The following RPRD2 variants were observed in gnomAD, a reference collection of about 807,000 sequenced individuals.
RPRD2 encodes regulation of nuclear pre-mRNA domain containing 2.
Under a neutral mutation model 104.4 loss-of-function variants are expected in RPRD2, and 12 were observed. The observed-to-expected ratio is 0.11, with a 90% confidence interval of 0.07 to 0.19. The LOEUF (loss-of-function observed/expected upper bound fraction) is 0.19. Among genes scored for constraint, RPRD2 ranks in the 10% least tolerant of loss-of-function variants. The pLI is 1.00. For synonymous variants in RPRD2, 714 were observed against 684.9 expected (o/e 1.04, Z -0.66); for missense variants, 1,543 against 1,790.1 (o/e 0.86, Z 2.49).
chr1:150,423,792 AT>A (rs151188685), intron 2 of RPRD2, among the ~76,000 whole-genome samples: 47,860 of 145,420 alleles, frequency 0.33, 8,035 homozygotes, highest in Non-Finnish European at 0.4. Context: ...CTGAAAACAA[AT>A]TTTTTTTTTT....
In RPRD2 at chr1:150,475,454, T is replaced by C. The variant is rs587705990; in HGVS notation, c.*2120T>C. ...AGAAAATGTGGGGATGTCAGGAAAG[T>C]GGCTTCCTGAACGTTGGGGCGGGAT... On this transcript the variant is annotated 3_prime_UTR_variant, in exon 11 of 11. Coordinates refer to ENST00000369068, the MANE Select transcript of RPRD2 (RefSeq NM_015203.5). 6.5e-6 allele frequency: 1 copy of C among 152,728 alleles called. No individual in the cohort carries two copies. Among genetic ancestry groups the C allele is most frequent in the East Asian group, 1.9e-4 (1 of 5,188 alleles). 9.5% of individuals were successfully genotyped at this position (152,728 alleles called of 1,614,324 possible). A position where few individuals can be genotyped will look rare whatever the true frequency, so the allele number is the denominator to read the frequency against.
intron 2 of RPRD2, among the ~76,000 whole-genome samples, chr1:150,438,125 A>AAT (rs1553893573): frequency 1.3e-5 from 2 of 151,160 alleles, no homozygotes; most frequent in Admixed American, 6.6e-5. Context: ...CAACTAAAAA[A>AAT]ATATATATAC....
chr1:150,436,944 G>A (rs782727596), intron 2 of RPRD2, among the ~76,000 whole-genome samples: 2 of 152,080 alleles, frequency 1.3e-5, no homozygotes, highest in Admixed American at 6.6e-5. Context: ...GGTGGCACAC[G>A]CCTGTTATCC....
chr1:150,398,956 G>A (rs1473052146), intron 1 of RPRD2, among the ~76,000 whole-genome samples: 1 of 152,096 alleles, frequency 6.6e-6, no homozygotes, highest in African/African-American at 2.4e-5. Context: ...TTAATTCAAA[G>A]TCATAAAGAA....
chr1:150,393,550 C>A (rs141105648), intron 1 of RPRD2, among the ~76,000 whole-genome samples: 1 of 151,152 alleles, frequency 6.6e-6, no homozygotes, highest in Non-Finnish European at 1.5e-5. Context: ...GAATGTATCA[C>A]CCCATAGATT....
chr1:150,472,655 C>T lies in RPRD2; in HGVS notation c.3707C>T (p.Pro1236Leu), dbSNP rs778094347. The change falls in exon 11 of 11, where the codon CCC becomes CTC. Residue 1236 changes from proline to leucine, a missense_variant. Physicochemically the swap from Pro to Leu is moderately conservative, Grantham distance 98. Transcript: ENST00000369068. ...TCTCGAGATGCACCCACTCATCTAC[C>T]CTCTGTGGATCTTTCGAACCCCTTC... ...IFSRDAPTHL[P>L]SVDLSNPFTK... The T allele has an allele frequency of 4.3e-6, 7 of 1,613,714 alleles. No homozygotes were observed. In the African/African-American group the frequency reaches 5.3e-5, roughly 12 times the overall value.
chr1:150,395,496 CAT>C (rs782134581), intron 1 of RPRD2, among the ~76,000 whole-genome samples: 22 of 147,848 alleles, frequency 1.5e-4, no homozygotes, highest in South Asian at 2.1e-4. Flanking sequence ...CTGCTACAGA[CAT>C]GTGTATGCAA....
rs1553888836 is a variant in RPRD2, at chr1:150,417,692, C to G, written c.302C>G (p.Ala101Gly). 6.2e-7 allele frequency: 1 copy of G among 1,607,014 alleles called. No individual in the cohort carries two copies. ...GCAATCATATTCCGTGAATCATTTG[C>G]TGATGTACTTCCTGAAGCAGCTGCT... Reference protein sequence around the residue: ...KNAIIFRESFADVLPEAAALV... With the variant: ...KNAIIFRESFGDVLPEAAALV... The change falls in exon 2 of 11, where the codon GCT becomes GGT. Residue 101 changes from alanine (A) to glycine (G), a missense_variant. Ala to Gly is a moderately conservative substitution (Grantham distance 60). This residue lies in a region of RPRD2 where 572 missense variants were observed against 787.3 expected (regional missense o/e 0.73). Coordinates refer to ENST00000369068, the MANE Select transcript of RPRD2 (RefSeq NM_015203.5).
At chr1:150,448,194 G>A (rs1666924204) in intron 7 of RPRD2, among the ~76,000 whole-genome samples, 1 of 151,960 alleles carries the variant, frequency 6.6e-6, no homozygotes, top group Non-Finnish European at 1.5e-5. Context: ...TTGAGATGGA[G>A]TCTCGCTTTG....
At chr1:150,445,275 A>AG (rs1389132609) in intron 6 of RPRD2, among the ~76,000 whole-genome samples, 1 of 152,218 alleles carries the variant, frequency 6.6e-6, no homozygotes, top group Non-Finnish European at 1.5e-5. Context: ...TTATCACATG[A>AG]GAGATCTGAG....
rs995197391 is a variant in RPRD2 at position 150,378,899 on chromosome 1, C to T, written c.205+13980C>T. Among the ~76,000 whole-genome samples the T allele has an allele frequency of 2.0e-5, 3 of 150,512 alleles. No homozygotes were observed. In the Admixed American group the frequency reaches 2.0e-4, roughly 10 times the overall value. On this transcript the variant is annotated intron_variant, in intron 1 of 10. Coordinates refer to ENST00000369068, the MANE Select transcript of RPRD2 (RefSeq NM_015203.5). ...TTGGGAGGCTGAGGCAGGATAATCC[C>T]TTGGACCCGGAGGTGGAAGTTGCAG...
chr1:150,388,416 G>GTATA (rs370049726), intron 1 of RPRD2, among the ~76,000 whole-genome samples: 19 of 139,994 alleles, frequency 1.4e-4, no homozygotes, highest in Non-Finnish European at 2.4e-4. Flanking sequence ...ATATACACAT[G>GTATA]TATATATATA....
rs1553876834 is a variant in RPRD2, at chr1:150,364,680, C to G, written c.-35C>G. On this transcript the variant is annotated 5_prime_UTR_variant, in exon 1 of 11. Coordinates refer to ENST00000369068, the MANE Select transcript of RPRD2 (RefSeq NM_015203.5). ...CCCGCCGCCGCCGCCGCCGCCGCCG[C>G]CAGAGGAGCAGCAGCGCTTGTGCAA... 10 of 1,310,872 alleles carry G rather than the reference C, an allele frequency of 7.6e-6. No homozygotes were observed. Among genetic ancestry groups the G allele is most frequent in the Non-Finnish European group, 9.4e-6 (9 of 955,156 alleles). The allele number at this position is 1,310,872 out of a possible 1,614,324, so 81.2% of individuals were successfully genotyped here.
chr1:150,411,611 T>G (rs1419991805), intron 1 of RPRD2, among the ~76,000 whole-genome samples: 1 of 121,216 alleles, frequency 8.2e-6, no homozygotes, highest in Non-Finnish European at 1.7e-5. Flanking sequence ...ACCAACATGA[T>G]GAAACCCCGT....
Position 150,440,897 on chromosome 1 carries a change from C to G in RPRD2, c.336-26C>G, listed in dbSNP as rs200304078. ...GAGTAGAAGTCAAGGTTTTTATAGT[C>G]TGTATTACTTTTTCTTTGTTTTCAG... On this transcript the variant is annotated intron_variant, in intron 2 of 10. Transcript: ENST00000369068. 89 of 1,124,704 alleles carry G rather than the reference C, an allele frequency of 7.9e-5. 1 individual carries two copies. The South Asian group carries it at 1.1e-3, about 14-fold the overall frequency. 69.7% of individuals were successfully genotyped at this position (1,124,704 alleles called of 1,614,324 possible).
chr1:150,423,853 C>T (rs1200503213), intron 2 of RPRD2, among the ~76,000 whole-genome samples: 1 of 150,920 alleles, frequency 6.6e-6, no homozygotes, highest in African/African-American at 2.4e-5. Flanking sequence ...AGTGCAGTAG[C>T]GCGATCTCAG....
At chr1:150,441,232 T>A in intron 3 of RPRD2, 1 of 438,786 alleles carries the variant, frequency 2.3e-6, no homozygotes, top group Non-Finnish European at 4.0e-6. Flanking sequence ...TCGGATTTTG[T>A]TTTTTAGTGA....
At chr1:150,453,524 A>C (rs1325212720) in intron 7 of RPRD2, among the ~76,000 whole-genome samples, 2 of 152,062 alleles carry the variant, frequency 1.3e-5, no homozygotes, top group Non-Finnish European at 2.9e-5. Flanking sequence ...AGCTCCAGCT[A>C]ATGGGTTGTG....
intron 4 of RPRD2, among the ~76,000 whole-genome samples, chr1:150,442,934 G>A (rs1666503494): frequency 6.6e-6 from 1 of 151,494 alleles, no homozygotes; most frequent in African/African-American, 2.4e-5. Flanking sequence ...CCCAGACTAG[G>A]AAAAAAAGGT....
Sources: allele counts gnomAD v4.1 joint callset (sites outside exome capture counted in the v4.1 genomes callset), GRCh38; gene constraint gnomAD v4.1.1; regional missense constraint gnomAD v4.1.1; transcripts MANE v1.5; gene names NCBI Gene and HGNC (gene_info 2026-07-23, HGNC 2026-07-21).